Variants in DERPC observed in about 807,000 individuals in gnomAD.
The protein encoded by DERPC is DERPC proline and glycine rich nuclear protein.
Under a neutral mutation model 7.2 loss-of-function variants are expected in DERPC, and 1 was observed. The observed-to-expected ratio is 0.14, with a 90% CI of 0.05 to 0.66. DERPC has a LOEUF of 0.66. DERPC is among the 30% of genes least tolerant of loss of function. The pLI, the probability that DERPC is intolerant of heterozygous loss-of-function variation, is 0.84. For synonymous variants in DERPC, 185 were observed against 117.6 expected, an observed-to-expected ratio of 1.57 and a Z score of -3.71; for missense variants, 502 against 299.4, an observed-to-expected ratio of 1.68 and a Z score of -4.99.
In DERPC at chr16:69,120,931, C is replaced by T. The variant is rs760363001; in HGVS notation, c.-221-282G>A. ...TAGGGGGAGAACAAGCAGAGAGCAT[C>T]GCAGATTAGCTAGGCCTTGAATAAC... is the stretch of plus-strand genomic sequence containing the variant. On this transcript the variant is annotated intron_variant, in intron 2 of 2. Transcript: ENST00000519520. The surrounding 1 kb of genome is among the most constrained non-coding windows in gnomAD (Gnocchi z 4.0). The T allele has an allele frequency of 7.0e-6, 6 of 862,278 alleles. No individual in the cohort carries two copies. Among genetic ancestry groups the T allele is most frequent in the Non-Finnish European group, 1.0e-5 (5 of 494,566 alleles). The allele number at this position is 862,278 out of a possible 1,614,324, so 53.4% of individuals were successfully genotyped here.
intron 1 of DERPC, among the ~76,000 whole-genome samples, chr16:69,122,840 C>A (rs1597112843): frequency 6.6e-6 from 1 of 151,862 alleles, no homozygotes; most frequent in Non-Finnish European, 1.5e-5. Flanking sequence ...CCGCACCTGG[C>A]TTAATTTTTG....
intron 2 of DERPC, 39 bp downstream of exon 2, chr16:69,121,397 C>T (rs1336497686): frequency 6.3e-7 from 1 of 1,576,662 alleles, no homozygotes; most frequent in South Asian, 1.2e-5. Context: ...TAGCCCTCAT[C>T]ATTTCAAGCC....
intron 1 of DERPC, among the ~76,000 whole-genome samples, chr16:69,122,564 G>A (rs915463288): frequency 6.8e-5 from 10 of 147,230 alleles, no homozygotes; most frequent in African/African-American, 2.3e-4. Context: ...TTTTTGGGAG[G>A]GAGTCTCACT....
intron 1 of DERPC, among the ~76,000 whole-genome samples, chr16:69,128,327 C>T (rs971991616): frequency 2.0e-5 from 3 of 152,198 alleles, no homozygotes; most frequent in African/African-American, 7.2e-5. Context: ...GGAGAGACTT[C>T]TGTGATGTAG....
Position 69,120,482 on chromosome 16 carries a change from CTT to C in DERPC, c.-56_-55del. On this transcript the variant is annotated 5_prime_UTR_variant, in exon 3 of 3. Coordinates refer to ENST00000519520, the MANE Select transcript of DERPC (RefSeq NM_001002847.4). This position sits in a 1 kb window ranked among gnomAD's most constrained non-coding sequence, Gnocchi z 4.0. ...GCTTGGGGCGGGTTTTGAAAAGGAT[CTT>C]GTCTTTGATGAGTGCTGTCACCAGG... is the stretch of plus-strand genomic sequence containing the variant. 1.2e-6 allele frequency: 2 copies of C among 1,614,110 alleles called. No homozygotes were observed. The highest frequency in any genetic ancestry group is 1.7e-6 in the Non-Finnish European group (2 of 1,180,010).
intron 1 of DERPC, among the ~76,000 whole-genome samples, chr16:69,121,938 G>T (rs1961703961): frequency 6.6e-6 from 1 of 152,024 alleles, no homozygotes; most frequent in Non-Finnish European, 1.5e-5. Context: ...CAAAGTGCTG[G>T]GATTACAGGT....
chr16:69,128,254 G>A (rs1432055126), intron 1 of DERPC, among the ~76,000 whole-genome samples: 1 of 152,172 alleles, frequency 6.6e-6, no homozygotes, highest in East Asian at 1.9e-4. Context: ...GATTTGGCTA[G>A]GACTAACATG....
rs1328998354 is a variant in DERPC, at chr16:69,118,717, A to G, written c.*137T>C. Reference sequence around the variant, plus strand: ...TTCAGTCAAGAAAAACGCAAAGGAAAAAGATGGCTCATTTGAACTTGAGCC... The same window carrying G: ...TTCAGTCAAGAAAAACGCAAAGGAAGAAGATGGCTCATTTGAACTTGAGCC... On this transcript the variant is annotated 3_prime_UTR_variant, in exon 3 of 3. Transcript: ENST00000519520. 3.1e-6 allele frequency: 2 copies of G among 646,264 alleles called. No individual in the cohort carries two copies. The highest frequency in any genetic ancestry group is 5.6e-6 in the Non-Finnish European group (2 of 360,194). The allele number at this position is 646,264 out of a possible 1,614,324, so 40.0% of individuals were successfully genotyped here. A position where few individuals can be genotyped will look rare whatever the true frequency, so the allele number is the denominator to read the frequency against.
At position 69,119,040 on chromosome 16, in the gene DERPC, A is replaced by G; in HGVS notation, c.1389T>C (p.Pro463=). ...PAGPVGINPA[P]FTRPTGTLGL... is the part of the protein sequence containing the mutation. ...CCAGGGTCCCAGTTGGCCTTGTGAA[A>G]GGAGCTGGGTTGATACCCACAGGGC... The change falls in exon 3 of 3, where the codon CCT becomes CCC. Residue 463 remains proline, a synonymous_variant. Coordinates refer to ENST00000519520, the MANE Select transcript of DERPC (RefSeq NM_001002847.4). 1.4e-6 allele frequency: 1 copy of G among 703,072 alleles called. No individual in the cohort carries two copies. Among genetic ancestry groups the G allele is most frequent in the Non-Finnish European group, 2.6e-6 (1 of 385,020 alleles). The allele number at this position is 703,072 out of a possible 1,614,324, so 43.6% of individuals were successfully genotyped here.
At chr16:69,121,011 G>T in intron 2 of DERPC, 1 of 1,541,154 alleles carries the variant, frequency 6.5e-7, no homozygotes, top group Non-Finnish European at 9.0e-7. Flanking sequence ...GGTGTAGCTT[G>T]CTTTCCTGAG....
rs1169672107 is a variant in DERPC at position 69,118,037 on chromosome 16, CAGTA to C, written c.*813_*816del. 5 of 380,178 alleles carry C rather than the reference CAGTA, an allele frequency of 1.3e-5. No individual in the cohort carries two copies. In the East Asian group the frequency reaches 1.5e-4, roughly 11 times the overall value. 23.6% of individuals were successfully genotyped at this position (380,178 alleles called of 1,614,324 possible). A position where few individuals can be genotyped will look rare whatever the true frequency, so the allele number is the denominator to read the frequency against. On this transcript the variant is annotated 3_prime_UTR_variant, in exon 3 of 3. Coordinates refer to ENST00000519520, the MANE Select transcript of DERPC (RefSeq NM_001002847.4). ...CCTCTCATCCCATTTATTAAAGAAA[CAGTA>C]AGAAAAGATACAATGCAGGAAAACC...
rs560615685 is a variant in DERPC, at chr16:69,119,114, C to T, written c.1315G>A (p.Val439Ile). 8.7e-5 allele frequency: 61 copies of T among 703,080 alleles called. No individual in the cohort carries two copies. The highest frequency in any genetic ancestry group is 1.6e-4 in the Non-Finnish European group (60 of 385,028). The allele number at this position is 703,080 out of a possible 1,614,324, so 43.6% of individuals were successfully genotyped here. The change falls in exon 3 of 3, where the codon GTT becomes ATT. Residue 439 changes from valine to isoleucine, a missense_variant. By Grantham distance (29) the Val-to-Ile change is conservative. Transcript: ENST00000519520. ...CCGGCAGCTGGCCTGGGGAAAGTAA[C>T]TTGACCAGGGCCTAATGGGCCAGTA... Reference protein sequence around the residue: ...RSTGPLGPGQVTFPRPAAGHL... With the variant: ...RSTGPLGPGQITFPRPAAGHL...
chr16:69,118,136 CTAATTCCCATATT>C lies in DERPC; in HGVS notation c.*705_*717del. On this transcript the variant is annotated 3_prime_UTR_variant, in exon 3 of 3. Transcript: ENST00000519520. ...CTTCCCTTCATCCCCCACCCCCACC[CTAATTCCCATATT>C]CCCATCCACATCAGTTTAAATTTTG... The C allele has an allele frequency of 2.7e-6, 1 of 374,602 alleles. No individual in the cohort carries two copies. The highest frequency in any genetic ancestry group is 5.0e-6 in the Non-Finnish European group (1 of 200,954). The allele number at this position is 374,602 out of a possible 1,614,324, so 23.2% of individuals were successfully genotyped here.
At chr16:69,128,731 G>GC (rs2152272058) in intron 1 of DERPC, among the ~76,000 whole-genome samples, 1 of 152,112 alleles carries the variant, frequency 6.6e-6, no homozygotes, top group South Asian at 2.1e-4. Context: ...TATTTAACCA[G>GC]CATTTGGCTT....
intron 1 of DERPC, among the ~76,000 whole-genome samples, chr16:69,128,829 C>T (rs1301450299): frequency 1.3e-5 from 2 of 151,724 alleles, no homozygotes; most frequent in Non-Finnish European, 2.9e-5. Flanking sequence ...ACTTTGGGAG[C>T]CCAAGGCGGG....
intron 1 of DERPC, among the ~76,000 whole-genome samples, chr16:69,121,923 C>T (rs1961703015): frequency 6.6e-6 from 1 of 152,152 alleles, no homozygotes; most frequent in Non-Finnish European, 1.5e-5. Context: ...CCCACCTTGG[C>T]CTCCCAAAGT....
At chr16:69,128,406 T>G (rs1449810277) in intron 1 of DERPC, among the ~76,000 whole-genome samples, 1 of 152,238 alleles carries the variant, frequency 6.6e-6, no homozygotes, top group African/African-American at 2.4e-5. Context: ...AACTCATGTG[T>G]AGCCTTGGAA....
chr16:69,121,420 C>A lies in DERPC; in HGVS notation c.-222+16G>T, dbSNP rs1333528700. 1 of 1,598,780 alleles carries A rather than the reference C, an allele frequency of 6.3e-7. No individual in the cohort carries two copies. ...ATCATTTCAAGCCAAATTTTAAAATCTCAAAATGTACTTACCTGGAAATAA... is the reference window on the plus strand; with the variant it reads ...ATCATTTCAAGCCAAATTTTAAAATATCAAAATGTACTTACCTGGAAATAA... On this transcript the variant is annotated intron_variant, in intron 2 of 2. Coordinates refer to ENST00000519520, the MANE Select transcript of DERPC (RefSeq NM_001002847.4).
intron 1 of DERPC, among the ~76,000 whole-genome samples, chr16:69,127,625 T>G (rs1055661452): frequency 2.8e-4 from 41 of 144,196 alleles, no homozygotes; most frequent in Non-Finnish European, 5.7e-4. Flanking sequence ...TTTTTTTTTT[T>G]GTGAGACAGT....
Sources: gnomAD v4.1 joint callset for allele counts (sites outside exome capture counted in the v4.1 genomes callset) on GRCh38, gnomAD v4.1.1 for gene constraint, Gnocchi (gnomAD v3.1) non-coding constraint, MANE v1.5 for transcripts, NCBI Gene and HGNC (gene_info 2026-07-23, HGNC 2026-07-21) for gene names.